Variants in KRR1 observed in about 807,000 individuals in gnomAD.
KRR1 encodes KRR1 small subunit processome component, also known as KRR1 small subunit processome component homolog.
In KRR1, 23 loss-of-function variants were observed where a neutral mutation model predicts 50.0. That is an observed-to-expected ratio of 0.46 (90% CI 0.33 to 0.65). The LOEUF is 0.65. KRR1 is among the 30% of genes least tolerant of loss of function. The pLI, the probability that KRR1 is intolerant of heterozygous loss-of-function variation, is 0.02. For missense variants in KRR1, 419 were observed against 442.4 expected (o/e 0.95, Z 0.47); for synonymous variants, 133 against 146.3 (o/e 0.91, Z 0.66).
At position 75,493,683 on chromosome 12, in the gene KRR1, C is replaced by G. The variant is rs2046335381; in HGVS notation, c.*6126G>C. The G allele has an allele frequency of 6.6e-6, 1 of 152,166 alleles. No individual in the cohort carries two copies. The highest frequency in any genetic ancestry group is 2.4e-5 in the African/African-American group (1 of 41,416). The allele number at this position is 152,166 out of a possible 1,614,324, so 9.4% of individuals were successfully genotyped here. On this transcript the variant is annotated 3_prime_UTR_variant, in exon 10 of 10. Coordinates refer to ENST00000229214, the MANE Select transcript of KRR1 (RefSeq NM_007043.7). ...GGTCTTCCCCTGGGTCCCATAACCCCAACCCTCTTCTCTCTCAGGCTACCA... is the reference window on the plus strand; with the variant it reads ...GGTCTTCCCCTGGGTCCCATAACCCGAACCCTCTTCTCTCTCAGGCTACCA...
At position 75,498,541 on chromosome 12, in the gene KRR1, T is replaced by G. The variant is rs571109221; in HGVS notation, c.*1268A>C. 26 of 604,850 alleles carry G rather than the reference T, an allele frequency of 4.3e-5. No individual in the cohort carries two copies. Among genetic ancestry groups the G allele is most frequent in the Non-Finnish European group, 7.3e-5 (25 of 344,194 alleles). The allele number at this position is 604,850 out of a possible 1,614,324, so 37.5% of individuals were successfully genotyped here. ...AAAATACCAAGTTAATTCAGTCAGT[T>G]CAAAAAGTTTTGAATAATTAAACTT... On this transcript the variant is annotated 3_prime_UTR_variant, in exon 10 of 10. Transcript: ENST00000229214.
chr12:75,501,349 A>AAAGAG (rs2046392329), intron 9 of KRR1: 1 of 176,720 alleles, frequency 5.7e-6, no homozygotes, highest in African/African-American at 2.4e-5. Context: ...AAGATCACAT[A>AAAGAG]AAGAGAAGAA....
Position 75,498,029 on chromosome 12 carries a change from C to CCCAGAGGACCAGATGATTGATGGGTTCTA in KRR1, c.*1751_*1779dup, listed in dbSNP as rs1268215746. 6.6e-6 allele frequency: 1 copy of CCCAGAGGACCAGATGATTGATGGGTTCTA among 152,184 alleles called. No individual in the cohort carries two copies. The highest frequency in any genetic ancestry group is 2.4e-5 in the African/African-American group (1 of 41,432). 9.4% of individuals were successfully genotyped at this position (152,184 alleles called of 1,614,324 possible). On this transcript the variant is annotated 3_prime_UTR_variant, in exon 10 of 10. Transcript: ENST00000229214. ...TGAAGACCAGGGATGCTCACCAGTA[C>CCCAGAGGACCAGATGATTGATGGGTTCTA]CCAGAGGACCAGATGATTGATGGGT...
chr12:75,498,507 G>C lies in KRR1; in HGVS notation c.*1302C>G. 1.9e-6 allele frequency: 1 copy of C among 529,796 alleles called. No individual in the cohort carries two copies. The highest frequency in any genetic ancestry group is 3.5e-5 in the Admixed American group (1 of 28,476). The allele number at this position is 529,796 out of a possible 1,614,324, so 32.8% of individuals were successfully genotyped here. A position where few individuals can be genotyped will look rare whatever the true frequency, so the allele number is the denominator to read the frequency against. On this transcript the variant is annotated 3_prime_UTR_variant, in exon 10 of 10. Coordinates refer to ENST00000229214, the MANE Select transcript of KRR1 (RefSeq NM_007043.7). ...AAGGTTTATAAAGTTTATGTAAAAA[G>C]TCAACTTAAAAATACCAAGTTAATT...
chr12:75,500,072 G>A, intron 9 of KRR1, 121 bp from the exon 10 acceptor site: 2 of 703,396 alleles, frequency 2.8e-6, no homozygotes, highest in Middle Eastern at 4.2e-4. Context: ...TCTTATAATT[G>A]AATAATTGAA....
At chr12:75,508,930 A>C (rs868667236) in intron 1 of KRR1, among the ~76,000 whole-genome samples, 2 of 152,198 alleles carry the variant, frequency 1.3e-5, no homozygotes, top group African/African-American at 2.4e-5. Flanking sequence ...TTCAGTTAAT[A>C]ATCACTGGTA....
chr12:75,507,014 C>A, intron 2 of KRR1, 98 bp from the exon 3 acceptor site: 1 of 988,252 alleles, frequency 1.0e-6, no homozygotes. Context: ...TCTGTCACCT[C>A]TCAATTCCTA....
chr12:75,504,592 T>C (rs1411109353), intron 6 of KRR1, among the ~76,000 whole-genome samples: 2 of 152,072 alleles, frequency 1.3e-5, no homozygotes, highest in Non-Finnish European at 2.9e-5. Flanking sequence ...AATATCCCAA[T>C]GTAACTCAAA....
At chr12:75,500,719 CCATT>C (rs1184562686) in intron 9 of KRR1, 7 of 151,906 alleles carry the variant, frequency 4.6e-5, no homozygotes, top group Admixed American at 1.3e-4. Context: ...CTTTTTCTTA[CCATT>C]CAAAGTACAG....
Position 75,504,751 on chromosome 12 carries a change from GTT to G in KRR1, c.660+445_660+446del. ...ACTTTGTGCACACAGGGATATAACA[GTT>G]CTCTCTCAAAGGAGCTACAATTTGA... is the stretch of plus-strand genomic sequence containing the variant. On this transcript the variant is annotated intron_variant, in intron 6 of 9. Transcript: ENST00000229214. 2.0e-5 allele frequency among the ~76,000 whole-genome samples: 3 copies of G among 152,110 alleles called. No homozygotes were observed. The South Asian group carries it at 6.2e-4, about 32-fold the overall frequency.
intron 9 of KRR1, 23 bp from the exon 10 acceptor site, chr12:75,499,974 A>G: frequency 6.4e-7 from 1 of 1,560,646 alleles, no homozygotes; most frequent in Non-Finnish European, 8.7e-7. Flanking sequence ...AAAGCACAAC[A>G]CATGTAATAC....
chr12:75,499,192 G>A lies in KRR1; in HGVS notation c.*617C>T. The stretch of plus-strand genomic sequence containing the variant: ...GCATTATTTGCAGGTTGCCACAGGT[G>A]GACTTTTAGTAAGTAACCTAACCCA... On this transcript the variant is annotated 3_prime_UTR_variant, in exon 10 of 10. Transcript: ENST00000229214. The A allele has an allele frequency of 5.3e-6, 2 of 380,566 alleles. No homozygotes were observed. Among genetic ancestry groups the A allele is most frequent in the Non-Finnish European group, 9.3e-6 (2 of 214,304 alleles). The allele number at this position is 380,566 out of a possible 1,614,324, so 23.6% of individuals were successfully genotyped here.
At chr12:75,510,590 T>G (rs190666379) in intron 1 of KRR1, among the ~76,000 whole-genome samples, 1 of 152,242 alleles carries the variant, frequency 6.6e-6, no homozygotes, top group Non-Finnish European at 1.5e-5. Flanking sequence ...ACTTCATGAC[T>G]ACAAGAAGAG....
intron 1 of KRR1, among the ~76,000 whole-genome samples, chr12:75,510,052 G>A (rs1261475158): frequency 1.3e-5 from 2 of 152,086 alleles, no homozygotes; most frequent in Non-Finnish European, 1.5e-5. Context: ...GAAAAGATAT[G>A]CAACCTCATA....
chr12:75,503,994 T>C lies in KRR1; in HGVS notation c.741A>G (p.Lys247=). 1.9e-6 allele frequency: 3 copies of C among 1,612,694 alleles called. No homozygotes were observed. Among genetic ancestry groups the C allele is most frequent in the Non-Finnish European group, 2.5e-6 (3 of 1,179,032 alleles). ...CCTTGCGTTTATTCACATTTTTGTG[T>C]TTGAACTGTGGCAAAAATCTCTCCC... The part of the protein sequence containing the change: ...QSWERFLPQF[K]HKNVNKRKEP... Residue 247 remains lysine (K), a synonymous_variant, in exon 7 of 10, where the codon AAA becomes AAG. Transcript: ENST00000229214.
intron 3 of KRR1, 54 bp downstream of exon 3, chr12:75,506,728 T>C: frequency 1.3e-6 from 2 of 1,570,836 alleles, no homozygotes; most frequent in Non-Finnish European, 8.6e-7. Flanking sequence ...TGGTGGGATG[T>C]TATAGGTTAA....
intron 1 of KRR1, among the ~76,000 whole-genome samples, chr12:75,510,299 T>A (rs2046440982): frequency 6.6e-6 from 1 of 152,186 alleles, no homozygotes; most frequent in Non-Finnish European, 1.5e-5. Flanking sequence ...AGAGAAACCC[T>A]TGAACATGTT....
intron 9 of KRR1, chr12:75,500,527 A>G (rs2046385314): frequency 1.3e-5 from 2 of 151,992 alleles, no homozygotes; most frequent in Non-Finnish European, 2.9e-5. Flanking sequence ...TTCATTGAAT[A>G]TTAATTCAAT....
intron 9 of KRR1, chr12:75,501,274 CAGCATCCTTTAGTCT>C (rs1032978332): frequency 1.3e-5 from 2 of 155,932 alleles, no homozygotes; most frequent in African/African-American, 4.8e-5. Flanking sequence ...TAAGACCTGT[CAGCATCCTTTAGTCT>C]AAGGTGATGA....
Sources: allele counts gnomAD v4.1 joint callset (sites outside exome capture counted in the v4.1 genomes callset), GRCh38; gene constraint gnomAD v4.1.1; transcripts MANE v1.5; gene names NCBI Gene and HGNC (gene_info 2026-07-23, HGNC 2026-07-21).